The following PLCE1 variants were observed in gnomAD, a reference collection of about 807,000 sequenced individuals.
The protein encoded by PLCE1 is phospholipase C epsilon 1.
In PLCE1, 119 loss-of-function variants were observed where a neutral mutation model predicts 242.8. The ratio of observed to expected loss-of-function variants is 0.49; its 90% CI spans 0.42 to 0.57. The LOEUF is 0.57. Ranked by LOEUF, PLCE1 falls within the 20% of genes least tolerant of loss-of-function variation. The pLI is 0.00. For missense variants in PLCE1, 2,441 were observed against 2,788.8 expected (o/e 0.88, Z 2.81); for synonymous variants, 945 against 1,017.4 (o/e 0.93, Z 1.35).
chr10:94,227,257 C>T (rs371523327), intron 4 of PLCE1, 49 bp from the exon 5 acceptor site: 12 of 1,592,508 alleles, frequency 7.5e-6, no homozygotes, highest in Non-Finnish European at 1.0e-5. Context: ...AAAAAAATTG[C>T]CAAGCTTCTA....
chr10:94,184,157 A>G (rs2136487460), intron 4 of PLCE1, among the ~76,000 whole-genome samples: 1 of 152,316 alleles, frequency 6.6e-6, no homozygotes, highest in East Asian at 1.9e-4. Context: ...TTTCATGCTG[A>G]CAAATGCTAT....
intron 2 of PLCE1, among the ~76,000 whole-genome samples, chr10:94,119,387 G>A (rs888978584): frequency 6.6e-6 from 1 of 151,980 alleles, no homozygotes; most frequent in African/African-American, 2.4e-5. Context: ...AGCTTGCATA[G>A]GTAGTTTGCT....
intron 20 of PLCE1, among the ~76,000 whole-genome samples, chr10:94,281,262 T>G (rs536521650): frequency 6.6e-6 from 1 of 152,308 alleles, no homozygotes; most frequent in South Asian, 2.1e-4. Flanking sequence ...CTATAAGTAG[T>G]TAGTCCACTA....
chr10:94,258,946 A>G, intron 12 of PLCE1, 24 bp downstream of exon 12: 1 of 1,614,036 alleles, frequency 6.2e-7, no homozygotes, highest in Non-Finnish European at 8.5e-7. Context: ...TTTCCTTCTT[A>G]TTCTTTCTCA....
In PLCE1 at chr10:94,321,954, AGAG is replaced by A. The variant is rs758470870; in HGVS notation, c.6403_6405del (p.Glu2135del). 61 of 1,613,822 alleles carry A rather than the reference AGAG, an allele frequency of 3.8e-5. No homozygotes were observed. Among genetic ancestry groups the A allele is most frequent in the Middle Eastern group, 1.6e-4 (1 of 6,084 alleles). On this transcript the variant is annotated inframe_deletion, in exon 30 of 33. Transcript: ENST00000371380. ...ATGACAAAGAGGTGATCTTGAGCTC[AGAG>A]GAGGAGAGTTTCTTTGTCCAAGTGC...
intron 1 of PLCE1, among the ~76,000 whole-genome samples, chr10:94,014,599 T>G (rs1423675683): frequency 6.6e-6 from 1 of 152,180 alleles, no homozygotes; most frequent in African/African-American, 2.4e-5. Context: ...TCTCACAAGA[T>G]TTTTCATCAT....
At chr10:94,001,382 A>G (rs2060927629) in intron 1 of PLCE1, among the ~76,000 whole-genome samples, 1 of 152,210 alleles carries the variant, frequency 6.6e-6, no homozygotes, top group Non-Finnish European at 1.5e-5. Flanking sequence ...ATGGGTGCAC[A>G]CAAGTTCAGA....
rs947847538 is a variant in PLCE1, at chr10:94,167,206, G to A, written c.1493-3974G>A. On this transcript the variant is annotated intron_variant, in intron 3 of 32. Coordinates refer to ENST00000371380, the MANE Select transcript of PLCE1 (RefSeq NM_016341.4). ...CTTGGGAGGCTGAGGCCGGAGAATC[G>A]CTTGAACCCGGGAGGCGGCGGTTCG... Among the ~76,000 whole-genome samples, 5 of 152,072 alleles carry A rather than the reference G, an allele frequency of 3.3e-5. No homozygotes were observed. In the East Asian group the frequency reaches 5.8e-4, roughly 18 times the overall value.
At chr10:94,273,541 G>A in intron 18 of PLCE1, 21 bp from the exon 19 acceptor site, 1 of 1,606,726 alleles carries the variant, frequency 6.2e-7, no homozygotes, top group South Asian at 1.1e-5. Context: ...TTGATTGTAT[G>A]TTTTCCTTCA....
At position 94,304,494 on chromosome 10, in the gene PLCE1, A is replaced by AT; in HGVS notation, c.5474dup (p.Leu1825PhefsTer7). 5.0e-6 allele frequency: 8 copies of AT among 1,614,062 alleles called. No homozygotes were observed. Among genetic ancestry groups the AT allele is most frequent in the Non-Finnish European group, 6.8e-6 (8 of 1,179,926 alleles). On this transcript the variant is annotated frameshift_variant, in exon 25 of 33. Transcript: ENST00000371380. LOFTEE classifies it high-confidence loss of function. ...GTTTGTTTTACAGATCTCCCTTTACATTTAAATGCTGCAATGTTTGAGGCA... is the reference window on the plus strand; with the variant it reads ...GTTTGTTTTACAGATCTCCCTTTACATTTTAAATGCTGCAATGTTTGAGGCA...
At chr10:94,327,906 CG>C in intron 32 of PLCE1, 61 bp from the exon 33 acceptor site, 1 of 495,684 alleles carries the variant, frequency 2.0e-6, no homozygotes, top group South Asian at 1.5e-5. Context: ...CTTGGTATAC[CG>C]CAAGTGTTTC....
intron 4 of PLCE1, among the ~76,000 whole-genome samples, chr10:94,200,339 G>T (rs1247979445): frequency 6.6e-6 from 1 of 152,208 alleles, no homozygotes. Flanking sequence ...GTGCCAAGCA[G>T]TAAGGAGGTG....
chr10:94,284,086 AAGTT>A (rs1167844666), intron 21 of PLCE1, among the ~76,000 whole-genome samples, 175 bp downstream of exon 21: 1 of 152,212 alleles, frequency 6.6e-6, no homozygotes, highest in Non-Finnish European at 1.5e-5. Flanking sequence ...CATTTGTGGA[AAGTT>A]AGTCACTGAT....
At chr10:94,191,128 A>T (rs1258403640) in intron 4 of PLCE1, among the ~76,000 whole-genome samples, 2 of 152,218 alleles carry the variant, frequency 1.3e-5, no homozygotes, top group Non-Finnish European at 2.9e-5. Flanking sequence ...GAAAAATTTT[A>T]AAGATGATTA....
At chr10:94,312,773 T>G (rs902986636) in intron 27 of PLCE1, among the ~76,000 whole-genome samples, 1 of 152,214 alleles carries the variant, frequency 6.6e-6, no homozygotes, top group African/African-American at 2.4e-5. Context: ...TGAATATATC[T>G]TAATACACAA....
intron 2 of PLCE1, among the ~76,000 whole-genome samples, chr10:94,072,308 G>A (rs568582854): frequency 9.9e-5 from 15 of 150,840 alleles, no homozygotes; most frequent in African/African-American, 2.9e-4. Context: ...ATGGAGTCTC[G>A]CTCTGTCACC....
intron 2 of PLCE1, among the ~76,000 whole-genome samples, chr10:94,046,772 C>T (rs2134715114): frequency 6.6e-6 from 1 of 152,302 alleles, no homozygotes; most frequent in African/African-American, 2.4e-5. Flanking sequence ...CTATTTATAG[C>T]TCTGAGGCTT....
At chr10:94,043,488 G>A (rs2061812633) in intron 2 of PLCE1, among the ~76,000 whole-genome samples, 1 of 152,110 alleles carries the variant, frequency 6.6e-6, no homozygotes, top group Non-Finnish European at 1.5e-5. Flanking sequence ...GAAAGATTTA[G>A]CACCAAATTA....
intron 2 of PLCE1, among the ~76,000 whole-genome samples, chr10:94,082,818 G>C (rs992112711): frequency 1.3e-5 from 2 of 152,096 alleles, no homozygotes; most frequent in African/African-American, 2.4e-5. Flanking sequence ...AAATAATTAG[G>C]AGTAAATTTA....
Sources: gnomAD v4.1 joint callset for allele counts (sites outside exome capture counted in the v4.1 genomes callset) on GRCh38, gnomAD v4.1.1 for gene constraint, MANE v1.5 for transcripts, NCBI Gene and HGNC (gene_info 2026-07-23, HGNC 2026-07-21) for gene names.